Variants in ABCA13 observed in about 807,000 individuals in gnomAD.
ABCA13 encodes ATP binding cassette subfamily A member 13, also known as ATP-binding cassette sub-family A member 13.
A neutral mutation model predicts 478.7 loss-of-function variants in ABCA13; 476 were observed. The ratio of observed to expected loss-of-function variants is 0.99; its 90% CI spans 0.92 to 1.07. The LOEUF (loss-of-function observed/expected upper bound fraction) is 1.07. Among genes scored for constraint, ABCA13 ranks in the 50% least tolerant of loss-of-function variants. The probability of loss-of-function intolerance (pLI) is 0.00; values close to 1 mark genes in which losing one functional copy is unlikely to be tolerated. For synonymous variants in ABCA13, 2,252 were observed against 2,158.9 expected, an observed-to-expected ratio of 1.04 and a Z score of -1.20; for missense variants, 6,060 against 5,910.6, an observed-to-expected ratio of 1.03 and a Z score of -0.83.
At chr7:48,262,382 T>G (rs528464708) in intron 15 of ABCA13, among the ~76,000 whole-genome samples, 2 of 151,864 alleles carry the variant, frequency 1.3e-5, no homozygotes, top group African/African-American at 4.8e-5. Context: ...TAGTTCAACC[T>G]CTCATGCTTA....
At chr7:48,385,692 G>C (rs1214601748) in intron 35 of ABCA13, among the ~76,000 whole-genome samples, 2 of 152,080 alleles carry the variant, frequency 1.3e-5, no homozygotes, top group Non-Finnish European at 2.9e-5. Context: ...GGGATTACTG[G>C]GTCAAATGGT....
chr7:48,511,171 G>A lies in ABCA13; in HGVS notation c.13612G>A (p.Ala4538Thr). Residue 4538 changes from alanine (A) to threonine (T), a missense_variant, in exon 51 of 62, where the codon GCC becomes ACC. By Grantham distance (58) the Ala-to-Thr change is moderately conservative. This residue lies in a region of ABCA13 where 1,627 missense variants were observed against 1,571.0 expected (regional missense o/e 1.04). Transcript: ENST00000435803. ...TAFTFRKNLA[A>T]TALLLSLFGY... ...TTTTACTTTCCGCAAGAACTTGGCAGCCACGGCCCTCCTGCTGTCACTTTT... is the reference window on the plus strand; with the variant it reads ...TTTTACTTTCCGCAAGAACTTGGCAACCACGGCCCTCCTGCTGTCACTTTT... 1.9e-6 allele frequency: 3 copies of A among 1,613,124 alleles called. No homozygotes were observed. The highest frequency in any genetic ancestry group is 2.5e-6 in the Non-Finnish European group (3 of 1,179,544).
chr7:48,624,791 G>A (rs1793507399), intron 59 of ABCA13, among the ~76,000 whole-genome samples: 1 of 152,088 alleles, frequency 6.6e-6, no homozygotes, highest in African/African-American at 2.4e-5. Flanking sequence ...CTGACCTCAG[G>A]TGATCTGCCC....
chr7:48,350,521 A>C (rs890275845), intron 29 of ABCA13, 122 bp from the exon 30 acceptor site: 9 of 1,252,886 alleles, frequency 7.2e-6, no homozygotes, highest in African/African-American at 3.0e-5. Context: ...TCTTTTGAGC[A>C]ATTTTTTAGT....
chr7:48,618,725 G>T (rs1792846562), intron 59 of ABCA13, among the ~76,000 whole-genome samples: 2 of 152,190 alleles, frequency 1.3e-5, no homozygotes, highest in Non-Finnish European at 2.9e-5. Context: ...GTTGTCCCTA[G>T]TTGTCTAGTA....
At chr7:48,224,185 C>A (rs1421638753) in intron 5 of ABCA13, among the ~76,000 whole-genome samples, 1 of 152,130 alleles carries the variant, frequency 6.6e-6, no homozygotes. Flanking sequence ...GGTCACAGGG[C>A]CCCATGTCAA....
intron 3 of ABCA13, among the ~76,000 whole-genome samples, chr7:48,198,724 C>T (rs1184766798): frequency 6.6e-6 from 1 of 152,196 alleles, no homozygotes; most frequent in Admixed American, 6.5e-5. Context: ...GAGCTACCTA[C>T]TGGGTTTTTT....
intron 33 of ABCA13, among the ~76,000 whole-genome samples, chr7:48,373,767 C>CA (rs575593029): frequency 9.8e-4 from 149 of 152,236 alleles, no homozygotes; most frequent in African/African-American, 3.4e-3. Flanking sequence ...GGGTTCTGTG[C>CA]ACATAAAATT....
At position 48,227,253 on chromosome 7, in the gene ABCA13, T is replaced by TC. The variant is rs773753960; in HGVS notation, c.469-6dup. ...AGGGAAACTTTTGGTGTATTTTTTT[T>TC]CCCATCAGATGGATCTCAATAAGAC... On this transcript the variant is annotated splice_polypyrimidine_tract_variant and intron_variant, in intron 5 of 61. Transcript: ENST00000435803. 6.2e-7 allele frequency: 1 copy of TC among 1,611,946 alleles called. No individual in the cohort carries two copies. Among genetic ancestry groups the TC allele is most frequent in the Admixed American group, 1.7e-5 (1 of 59,644 alleles).
chr7:48,503,565 T>A (rs1269304142), intron 48 of ABCA13, among the ~76,000 whole-genome samples: 4 of 152,232 alleles, frequency 2.6e-5, no homozygotes. Context: ...GACTTATTTC[T>A]CTTAACATAA....
intron 43 of ABCA13, among the ~76,000 whole-genome samples, chr7:48,460,453 A>T (rs1012941913): frequency 5.9e-5 from 9 of 152,022 alleles, no homozygotes; most frequent in African/African-American, 2.2e-4. Flanking sequence ...CTCCAGTCTC[A>T]GCCTCCTGTC....
At chr7:48,628,499 A>C (rs1245495128) in intron 59 of ABCA13, among the ~76,000 whole-genome samples, 1 of 152,206 alleles carries the variant, frequency 6.6e-6, no homozygotes, top group Non-Finnish European at 1.5e-5. Flanking sequence ...ACACAGAATG[A>C]GCCAAATGAA....
intron 55 of ABCA13, among the ~76,000 whole-genome samples, chr7:48,572,815 T>G (rs1488461490): frequency 6.6e-6 from 1 of 152,166 alleles, no homozygotes; most frequent in Non-Finnish European, 1.5e-5. Context: ...TCCATGTAAT[T>G]TTTACATAGA....
chr7:48,511,126 G>T lies in ABCA13; in HGVS notation c.13567G>T (p.Val4523Phe). The change falls in exon 51 of 62, where the codon GTC becomes TTC. Residue 4523 changes from valine (V) to phenylalanine (F), a missense_variant. By Grantham distance (50) the Val-to-Phe change is conservative. Transcript: ENST00000435803. ...CGTCTGCCTGTGTGTTGCCGTTATT[G>T]TCGCCTTCCAGTTAACAGCTTTTAC... ...VSVCLCVAVI[V>F]AFQLTAFTFR... 6.2e-7 allele frequency: 1 copy of T among 1,613,490 alleles called. No individual in the cohort carries two copies. Among genetic ancestry groups the T allele is most frequent in the Non-Finnish European group, 8.5e-7 (1 of 1,179,666 alleles).
Position 48,275,775 on chromosome 7 carries a change from A to G in ABCA13, c.6109A>G (p.Ser2037Gly). The G allele has an allele frequency of 6.2e-7, 1 of 1,611,606 alleles. No homozygotes were observed. Among genetic ancestry groups the G allele is most frequent in the South Asian group, 1.1e-5 (1 of 90,688 alleles). The change falls in exon 17 of 62, where the codon AGC becomes GGC. Residue 2037 changes from serine to glycine, a missense_variant. By Grantham distance (56) the Ser-to-Gly change is moderately conservative (BLOSUM62 0). This residue lies in a region of ABCA13 where 4,423 missense variants were observed against 4,309.1 expected (regional missense o/e 1.03). Transcript: ENST00000435803. ...MMLQNANVTG[S>G]SLEALSSFIE... Reference sequence around the variant, plus strand: ...GCTCCAGAATGCAAATGTCACAGGTAGCAGTTTAGAAGCATTATCAAGTTT... The same window carrying G: ...GCTCCAGAATGCAAATGTCACAGGTGGCAGTTTAGAAGCATTATCAAGTTT...
intron 42 of ABCA13, among the ~76,000 whole-genome samples, chr7:48,435,498 G>A (rs867092958): frequency 9.2e-5 from 14 of 151,848 alleles, no homozygotes; most frequent in South Asian, 2.1e-4. Context: ...CAATTTGGAT[G>A]ACTTTTATTT....
chr7:48,419,001 G>A (rs1820394243), intron 41 of ABCA13, among the ~76,000 whole-genome samples: 3 of 152,194 alleles, frequency 2.0e-5, no homozygotes, highest in Admixed American at 2.0e-4. Context: ...GAAGGTGGAA[G>A]GCAAAGAGGG....
Position 48,427,788 on chromosome 7 carries a change from A to T in ABCA13, c.12482A>T (p.Asp4161Val). 1 of 1,613,742 alleles carries T rather than the reference A, an allele frequency of 6.2e-7. No individual in the cohort carries two copies. The highest frequency in any genetic ancestry group is 8.5e-7 in the Non-Finnish European group (1 of 1,179,766). The change falls in exon 42 of 62, where the codon GAT becomes GTT. Residue 4161 changes from aspartate to valine, a missense_variant. Physicochemically the swap from Asp to Val is radical, Grantham distance 152. Coordinates refer to ENST00000435803, the MANE Select transcript of ABCA13 (RefSeq NM_152701.5). ...LEEVFLMLLQ[D>V]SNKKSHIALG... ...AAGGTGTTTTTGATGCTTTTGCAAG[A>T]TTCCAACAAGAAATCTCACATTGCC...
chr7:48,432,087 T>C (rs1350517170), intron 42 of ABCA13, among the ~76,000 whole-genome samples: 2 of 152,026 alleles, frequency 1.3e-5, no homozygotes, highest in East Asian at 3.9e-4. Flanking sequence ...ATAATAATAA[T>C]AAAATATGTG....
Sources: gnomAD v4.1 joint callset for allele counts (sites outside exome capture counted in the v4.1 genomes callset) on GRCh38, gnomAD v4.1.1 for gene constraint, gnomAD v4.1.1 regional missense constraint, MANE v1.5 for transcripts, NCBI Gene and HGNC (gene_info 2026-07-23, HGNC 2026-07-21) for gene names.